The following CNTNAP2 variants were observed in gnomAD, a reference collection of about 807,000 sequenced individuals.
CNTNAP2 encodes contactin associated protein 2, also known as contactin-associated protein-like 2.
Under a neutral mutation model 155.2 loss-of-function variants are expected in CNTNAP2, and 98 were observed. That is an observed-to-expected ratio of 0.63 (90% CI 0.54 to 0.75). CNTNAP2 has a LOEUF of 0.75. CNTNAP2 is among the 30% of genes least tolerant of loss of function. The probability of loss-of-function intolerance (pLI) is 0.00; values close to 1 mark genes in which losing one functional copy is unlikely to be tolerated. For synonymous variants in CNTNAP2, 651 were observed against 631.2 expected (o/e 1.03, Z -0.47); for missense variants, 1,727 against 1,688.1 (o/e 1.02, Z -0.40).
intron 13 of CNTNAP2, among the ~76,000 whole-genome samples, chr7:147,697,918 T>C (rs1262642030): frequency 6.6e-6 from 1 of 152,198 alleles, no homozygotes; most frequent in African/African-American, 2.4e-5. Context: ...GAGAGGAAAC[T>C]TGTAGAAGTG....
intron 1 of CNTNAP2, among the ~76,000 whole-genome samples, 186 bp from the exon 2 acceptor site, chr7:146,774,064 TTCCATTTGAATATCAGGGTTA>T (rs1802344289): frequency 6.6e-6 from 1 of 152,186 alleles, no homozygotes; most frequent in Non-Finnish European, 1.5e-5. Context: ...TGCTATGGTT[TTCCATTTGAATATCAGGGTTA>T]TATAAACAGC....
chr7:148,253,297 C>G (rs539712036), intron 20 of CNTNAP2, among the ~76,000 whole-genome samples: 15 of 152,304 alleles, frequency 9.8e-5, no homozygotes, highest in African/African-American at 3.6e-4. Context: ...GACCTCAACA[C>G]CCTTAGAGAA....
chr7:148,401,542 G>T (rs201914687), intron 22 of CNTNAP2, among the ~76,000 whole-genome samples: 1 of 151,610 alleles, frequency 6.6e-6, no homozygotes, highest in Non-Finnish European at 1.5e-5. Flanking sequence ...CCTTACCTTC[G>T]TGTTTATTTT....
At chr7:146,198,433 A>C (rs559242317) in intron 1 of CNTNAP2, among the ~76,000 whole-genome samples, 1 of 152,296 alleles carries the variant, frequency 6.6e-6, no homozygotes, top group East Asian at 1.9e-4. Context: ...CCCAAGTCCC[A>C]AAATAAGAGA....
intron 1 of CNTNAP2, among the ~76,000 whole-genome samples, chr7:146,667,763 CT>C (rs1403456302): frequency 1.3e-5 from 2 of 151,000 alleles, no homozygotes; most frequent in Non-Finnish European, 3.0e-5. Context: ...TCTTCTTGAT[CT>C]CTTTTTTTTA....
intron 1 of CNTNAP2, among the ~76,000 whole-genome samples, chr7:146,402,248 A>C (rs928734332): frequency 2.0e-5 from 3 of 152,160 alleles, no homozygotes; most frequent in African/African-American, 7.2e-5. Context: ...TGTTTTGTAG[A>C]GCACCATCAA....
intron 1 of CNTNAP2, among the ~76,000 whole-genome samples, chr7:146,636,881 C>A (rs898241711): frequency 2.0e-5 from 3 of 152,202 alleles, no homozygotes; most frequent in Non-Finnish European, 4.4e-5. Context: ...TGCTTTTCAA[C>A]TGTATTCCAA....
intron 13 of CNTNAP2, among the ~76,000 whole-genome samples, chr7:147,747,035 G>A (rs1797055718): frequency 6.6e-6 from 1 of 152,150 alleles, no homozygotes; most frequent in South Asian, 2.1e-4. Flanking sequence ...ACAAGAAAGG[G>A]TCACATTTGG....
intron 1 of CNTNAP2, among the ~76,000 whole-genome samples, chr7:146,636,201 C>T (rs1382040766): frequency 1.9e-5 from 2 of 105,074 alleles, no homozygotes; most frequent in African/African-American, 3.7e-5. Flanking sequence ...GGCAGGGGGG[C>T]GGGGGGTGAT....
At chr7:148,375,667 T>C (rs1424080733) in intron 21 of CNTNAP2, among the ~76,000 whole-genome samples, 1 of 151,416 alleles carries the variant, frequency 6.6e-6, no homozygotes, top group Non-Finnish European at 1.5e-5. Context: ...CCATTACAAC[T>C]ATATTCTAAG....
Position 146,826,836 on chromosome 7 carries a change from G to GTATA in CNTNAP2, c.209-12856_209-12853dup, listed in dbSNP as rs376484843. Among the ~76,000 whole-genome samples the GTATA allele has an allele frequency of 8.7e-3, 1,250 of 144,084 alleles. 29 individuals are homozygous for GTATA. Among genetic ancestry groups the GTATA allele is most frequent in the African/African-American group, 0.031 (1,176 of 37,818 alleles). The allele number at this position is 144,084 out of a possible 152,430, so 94.5% of individuals were successfully genotyped here. ...AATTTTTAAGAATGAATGAATATAT[G>GTATA]TATATATATATATATATATATAGAG... On this transcript the variant is annotated intron_variant, in intron 2 of 23. Coordinates refer to ENST00000361727, the MANE Select transcript of CNTNAP2 (RefSeq NM_014141.6).
intron 1 of CNTNAP2, among the ~76,000 whole-genome samples, chr7:146,475,504 C>T (rs1796864746): frequency 6.6e-6 from 1 of 152,098 alleles, no homozygotes; most frequent in South Asian, 2.1e-4. Flanking sequence ...TCTGTGTTAA[C>T]TATTAGTTTT....
intron 13 of CNTNAP2, among the ~76,000 whole-genome samples, chr7:147,751,396 T>TTAAA (rs377258555): frequency 4.2e-5 from 6 of 144,546 alleles, no homozygotes; most frequent in Admixed American, 2.1e-4. Flanking sequence ...TGAATTTAGT[T>TTAAA]AAAAAAAAAA....
chr7:147,314,354 C>T (rs1261925542), intron 9 of CNTNAP2, among the ~76,000 whole-genome samples: 1 of 151,970 alleles, frequency 6.6e-6, no homozygotes, highest in Non-Finnish European at 1.5e-5. Flanking sequence ...AATACTTTTC[C>T]AATCAAAAAA....
rs746407725 is a variant in CNTNAP2 at position 148,266,788 on chromosome 7, G to A, written c.3382-245G>A. Among the ~76,000 whole-genome samples the A allele has an allele frequency of 2.0e-5, 3 of 152,236 alleles. No homozygotes were observed. The South Asian group carries it at 6.2e-4, about 32-fold the overall frequency. On this transcript the variant is annotated intron_variant, in intron 20 of 23. Transcript: ENST00000361727. ...TGTAGGTAAATCATCCACAGAAAATGTACATCACCTGGAGAGCCGTTCATA... is the reference window on the plus strand; with the variant it reads ...TGTAGGTAAATCATCCACAGAAAATATACATCACCTGGAGAGCCGTTCATA...
In CNTNAP2 at chr7:148,178,245, C is replaced by T. The variant is rs1449073669; in HGVS notation, c.3010+5767C>T. On this transcript the variant is annotated intron_variant, in intron 18 of 23. Transcript: ENST00000361727. ...TTTTAACTATAAAAATGTTCATGTT[C>T]ATATGCCAAACCAGGACTGCAGTTG... Among the ~76,000 whole-genome samples the T allele has an allele frequency of 3.3e-5, 5 of 152,328 alleles. No homozygotes were observed. In the East Asian group the frequency reaches 9.6e-4, roughly 29 times the overall value.
At chr7:146,717,083 G>C (rs974125617) in intron 1 of CNTNAP2, among the ~76,000 whole-genome samples, 1 of 142,004 alleles carries the variant, frequency 7.0e-6, no homozygotes, top group African/African-American at 2.6e-5. Flanking sequence ...ACCTCCCCCT[G>C]AGTGGATTTC....
chr7:148,179,526 G>A (rs1794998600), intron 18 of CNTNAP2, among the ~76,000 whole-genome samples: 1 of 147,624 alleles, frequency 6.8e-6, no homozygotes, highest in Non-Finnish European at 1.5e-5. Context: ...AGGGAGAGAG[G>A]GAGAGAGAGG....
At chr7:148,225,961 G>C (rs978852287) in intron 19 of CNTNAP2, among the ~76,000 whole-genome samples, 1 of 152,180 alleles carries the variant, frequency 6.6e-6, no homozygotes, top group Non-Finnish European at 1.5e-5. Flanking sequence ...TGTTATGTTT[G>C]GGGTTGCCAG....
Sources: gnomAD v4.1 joint callset for allele counts (sites outside exome capture counted in the v4.1 genomes callset) on GRCh38, gnomAD v4.1.1 for gene constraint, MANE v1.5 for transcripts, NCBI Gene and HGNC (gene_info 2026-07-23, HGNC 2026-07-21) for gene names.